Variants in DISP1 observed in about 807,000 individuals in gnomAD.
DISP1 encodes the protein protein dispatched homolog 1.
A neutral mutation model predicts 37.3 loss-of-function variants in DISP1; 30 were observed. That is an observed-to-expected ratio of 0.80 (90% confidence interval 0.60 to 1.09). DISP1 has a LOEUF of 1.09. Ranked by LOEUF, DISP1 falls within the 50% of genes least tolerant of loss-of-function variation. The probability of loss-of-function intolerance (pLI) is 0.00; values close to 1 mark genes in which losing one functional copy is unlikely to be tolerated. For missense variants in DISP1, 1,598 were observed against 1,879.5 expected, an observed-to-expected ratio of 0.85 and a Z score of 2.77; for synonymous variants, 634 against 690.2, an observed-to-expected ratio of 0.92 and a Z score of 1.28.
intron 3 of DISP1, among the ~76,000 whole-genome samples, chr1:222,955,380 C>A (rs1675524863): frequency 6.6e-6 from 1 of 152,182 alleles, no homozygotes; most frequent in South Asian, 2.1e-4. Flanking sequence ...CCACAGCACC[C>A]AGCCTGAAGC....
chr1:222,906,546 G>T (rs1310225070), intron 1 of DISP1, among the ~76,000 whole-genome samples: 2 of 152,224 alleles, frequency 1.3e-5, no homozygotes, highest in African/African-American at 2.4e-5. Flanking sequence ...TTGCAGTAAA[G>T]AAGCCGGCGA....
At chr1:222,867,998 G>A (rs1159388386) in intron 1 of DISP1, among the ~76,000 whole-genome samples, 1 of 152,142 alleles carries the variant, frequency 6.6e-6, no homozygotes, top group Non-Finnish European at 1.5e-5. Flanking sequence ...CTTGGAAAGG[G>A]TCTGAACCTC....
intron 3 of DISP1, among the ~76,000 whole-genome samples, chr1:222,966,143 C>G (rs1473376418): frequency 6.6e-6 from 1 of 152,128 alleles, no homozygotes; most frequent in Non-Finnish European, 1.5e-5. Flanking sequence ...ATTTTTTACA[C>G]TGAAGCATTT....
intron 1 of DISP1, among the ~76,000 whole-genome samples, chr1:222,926,001 C>T (rs1673064201): frequency 6.6e-6 from 1 of 152,124 alleles, no homozygotes; most frequent in Non-Finnish European, 1.5e-5. Flanking sequence ...CAGGACTGTG[C>T]AAACATCACC....
At chr1:222,984,389 G>T (rs541161258) in intron 4 of DISP1, among the ~76,000 whole-genome samples, 1 of 113,238 alleles carries the variant, frequency 8.8e-6, no homozygotes, top group African/African-American at 3.5e-5. Flanking sequence ...GGGTGGCAGA[G>T]CCAGACTCTG....
intron 1 of DISP1, among the ~76,000 whole-genome samples, chr1:222,820,325 G>A (rs1327421255): frequency 2.0e-5 from 3 of 152,222 alleles, no homozygotes. Context: ...ATAGTGACGT[G>A]TGATACCCAT....
chr1:222,973,530 T>C (rs1677100395), intron 3 of DISP1, among the ~76,000 whole-genome samples: 2 of 152,228 alleles, frequency 1.3e-5, no homozygotes, highest in Non-Finnish European at 2.9e-5. Context: ...CATTGTGTAG[T>C]GCCCCATTGC....
chr1:222,984,435 T>TATATAGAGAGAGAG (rs67660273), intron 4 of DISP1, among the ~76,000 whole-genome samples: 9 of 108,368 alleles, frequency 8.3e-5, no homozygotes, highest in East Asian at 2.6e-4. Flanking sequence ...TATATATATA[T>TATATAGAGAGAGAG]AGAGAGAGAG....
At chr1:222,907,776 C>A (rs894520312) in intron 1 of DISP1, among the ~76,000 whole-genome samples, 3 of 152,014 alleles carry the variant, frequency 2.0e-5, no homozygotes, top group Admixed American at 1.3e-4. Context: ...ATGGTGAAAC[C>A]CCGTCTCTAC....
chr1:222,866,534 A>G (rs903231747), intron 1 of DISP1, among the ~76,000 whole-genome samples: 1 of 151,962 alleles, frequency 6.6e-6, no homozygotes, highest in Non-Finnish European at 1.5e-5. Context: ...TAGTAGAGAC[A>G]GGGTTTCACC....
At chr1:222,942,692 A>G in intron 2 of DISP1, 115 bp from the exon 3 acceptor site, 1 of 1,219,030 alleles carries the variant, frequency 8.2e-7, no homozygotes, top group Non-Finnish European at 1.2e-6. Flanking sequence ...CCACTGTCTC[A>G]CAACTCTGCA....
intron 3 of DISP1, among the ~76,000 whole-genome samples, chr1:222,967,116 T>G (rs909442774): frequency 8.5e-6 from 1 of 118,142 alleles, no homozygotes; most frequent in African/African-American, 2.6e-5. Flanking sequence ...CAAGGGGGAA[T>G]AGATCTACAT....
intron 2 of DISP1, among the ~76,000 whole-genome samples, chr1:222,936,498 T>A (rs1673731512): frequency 6.8e-6 from 1 of 147,968 alleles, no homozygotes; most frequent in African/African-American, 2.5e-5. Flanking sequence ...GATGACACTT[T>A]TCTCTTTACA....
chr1:222,951,031 C>T (rs977845034), intron 3 of DISP1, among the ~76,000 whole-genome samples: 1 of 152,162 alleles, frequency 6.6e-6, no homozygotes, highest in African/African-American at 2.4e-5. Context: ...TTTTGGGTAC[C>T]TGCCAAATGC....
chr1:222,939,750 A>G (rs975601569), intron 2 of DISP1, among the ~76,000 whole-genome samples: 1 of 151,122 alleles, frequency 6.6e-6, no homozygotes, highest in African/African-American at 2.4e-5. Context: ...GAATACTTGA[A>G]CCCAGGATGT....
rs138343847 is a variant in DISP1 at position 222,866,384 on chromosome 1, G to A, written c.-159+51306G>A. Reference sequence around the variant, plus strand: ...GTTTGAGGCAGAGTCTCACTGGGTCGCTCAGGCTGGAGTGCAGTGGTACAA... The same window carrying A: ...GTTTGAGGCAGAGTCTCACTGGGTCACTCAGGCTGGAGTGCAGTGGTACAA... On this transcript the variant is annotated intron_variant, in intron 1 of 8. Transcript: ENST00000675850. Among the ~76,000 whole-genome samples, 234 of 152,046 alleles carry A rather than the reference G, an allele frequency of 1.5e-3. 1 individual carries two copies. Among genetic ancestry groups the A allele is most frequent in the African/African-American group, 5.1e-3 (211 of 41,464 alleles).
chr1:222,989,878 C>T (rs1678566117), intron 4 of DISP1, among the ~76,000 whole-genome samples: 1 of 151,630 alleles, frequency 6.6e-6, no homozygotes, highest in Non-Finnish European at 1.5e-5. Context: ...TCTCAGCTCA[C>T]TGCAACCTCC....
intron 2 of DISP1, among the ~76,000 whole-genome samples, chr1:222,939,586 T>C (rs1674227302): frequency 6.6e-6 from 1 of 151,480 alleles, no homozygotes; most frequent in African/African-American, 2.4e-5. Context: ...CCCAGCACTT[T>C]GGGAGGTCGA....
At chr1:222,900,745 T>A (rs1671531613) in intron 1 of DISP1, among the ~76,000 whole-genome samples, 1 of 152,224 alleles carries the variant, frequency 6.6e-6, no homozygotes, top group Non-Finnish European at 1.5e-5. Flanking sequence ...AAGTCAATGA[T>A]GTTTTCAGTT....
Sources: gnomAD v4.1 joint callset for allele counts (sites outside exome capture counted in the v4.1 genomes callset) on GRCh38, gnomAD v4.1.1 for gene constraint, MANE v1.5 for transcripts, NCBI Gene and HGNC (gene_info 2026-07-23, HGNC 2026-07-21) for gene names.